The following MAML3 variants were observed in gnomAD, a reference collection of about 807,000 sequenced individuals.
MAML3 encodes the protein mastermind like transcriptional coactivator 3.
MAML3 carries 27 observed loss-of-function variants against 101.9 expected under a neutral mutation model. That is an observed-to-expected ratio of 0.27 (90% CI 0.20 to 0.37). The LOEUF (loss-of-function observed/expected upper bound fraction) is 0.37, where lower values mean the gene tolerates loss of function less well. Ranked by LOEUF, MAML3 falls within the 10% of genes least tolerant of loss-of-function variation. The probability of loss-of-function intolerance (pLI) is 1.00; values close to 1 mark genes in which losing one functional copy is unlikely to be tolerated. For synonymous variants in MAML3, 501 were observed against 555.9 expected (o/e 0.90, Z 1.39); for missense variants, 1,316 against 1,444.9 (o/e 0.91, Z 1.45).
At chr4:139,756,284 A>C (rs1316390947) in intron 2 of MAML3, among the ~76,000 whole-genome samples, 1 of 152,220 alleles carries the variant, frequency 6.6e-6, no homozygotes, top group Non-Finnish European at 1.5e-5. Flanking sequence ...GCACTGATAA[A>C]ACATTATTCA....
chr4:140,027,064 A>T (rs1726837697), intron 1 of MAML3, among the ~76,000 whole-genome samples: 1 of 146,102 alleles, frequency 6.8e-6, no homozygotes, highest in South Asian at 2.2e-4. Flanking sequence ...TAGAAAAAGG[A>T]AAAAAAAAAA....
intron 2 of MAML3, chr4:139,730,868 A>C (rs1728678601): frequency 1.7e-6 from 1 of 596,770 alleles, no homozygotes; most frequent in South Asian, 2.0e-5. Flanking sequence ...GCCACAAGGG[A>C]CAGTAAGAGA....
intron 1 of MAML3, among the ~76,000 whole-genome samples, chr4:140,028,309 GA>G (rs984606009): frequency 2.0e-5 from 3 of 151,812 alleles, no homozygotes; most frequent in East Asian, 3.9e-4. Flanking sequence ...TAAGGATTCT[GA>G]AAAAAAAGTG....
Position 139,890,116 on chromosome 4 carries a change from C to G in MAML3, c.1320G>C (p.Leu440=). ...APPRPGNGYL[L]NPAAVTVAGS... ...CGGCCACTGTCACTGCTGCCGGATT[C>G]AGGAGATAACCATTTCCAGGCCGAG... The change falls in exon 2 of 5, where the codon CTG becomes CTC. Residue 440 remains leucine (L), a synonymous_variant. Transcript: ENST00000509479. The surrounding 1 kb of genome is among the most constrained non-coding windows in gnomAD (Gnocchi z 4.1). 1 of 1,613,846 alleles carries G rather than the reference C, an allele frequency of 6.2e-7. No homozygotes were observed. Among genetic ancestry groups the G allele is most frequent in the Non-Finnish European group, 8.5e-7 (1 of 1,179,888 alleles).
chr4:140,067,200 G>GT (rs1727553390), intron 1 of MAML3, among the ~76,000 whole-genome samples: 1 of 149,758 alleles, frequency 6.7e-6, no homozygotes, highest in South Asian at 2.1e-4. Flanking sequence ...AAATTTTAGG[G>GT]GTGTGTGTGT....
chr4:139,899,680 A>T (rs1732679394), intron 1 of MAML3, among the ~76,000 whole-genome samples: 1 of 152,244 alleles, frequency 6.6e-6, no homozygotes, highest in Non-Finnish European at 1.5e-5. Flanking sequence ...GAAAAATCTT[A>T]TTACAACTCC....
At chr4:139,896,151 G>C (rs1253558847) in intron 1 of MAML3, among the ~76,000 whole-genome samples, 1 of 152,132 alleles carries the variant, frequency 6.6e-6, no homozygotes, top group East Asian at 1.9e-4. Context: ...CACAGAGCCA[G>C]CTATGTGGCT....
intron 1 of MAML3, among the ~76,000 whole-genome samples, chr4:140,040,156 GAGA>G (rs1727057675): frequency 6.6e-6 from 1 of 152,178 alleles, no homozygotes; most frequent in Non-Finnish European, 1.5e-5. Context: ...GACACACAGG[GAGA>G]AGAAGTGGGA....
At chr4:140,034,334 G>A (rs1726951975) in intron 1 of MAML3, among the ~76,000 whole-genome samples, 1 of 152,224 alleles carries the variant, frequency 6.6e-6, no homozygotes, top group Non-Finnish European at 1.5e-5. Flanking sequence ...GACAGAAATG[G>A]AGTAGATTAC....
rs1045700476 is a variant in MAML3 at position 139,872,779 on chromosome 4, T to A, written c.2079+16578A>T. On this transcript the variant is annotated intron_variant, in intron 2 of 4. Transcript: ENST00000509479. The stretch of plus-strand genomic sequence containing the variant: ...TCAATAACAAGGTTGGGTTTAGAGT[T>A]AAAAAAATAATCACACGGCCGGGCA... 1.4e-4 allele frequency among the ~76,000 whole-genome samples: 22 copies of A among 151,936 alleles called. No individual in the cohort carries two copies. The East Asian group carries it at 4.1e-3, about 28-fold the overall frequency.
chr4:139,775,134 G>GTTT lies in MAML3; in HGVS notation c.2080-44470_2080-44468dup, dbSNP rs564980973. On this transcript the variant is annotated intron_variant, in intron 2 of 4. Transcript: ENST00000509479. ...GGCTGCATGGTATATGATTCTCTGGGTTTTATACTGCTCCTTCCTTAGCCC... is the reference window on the plus strand; with the variant it reads ...GGCTGCATGGTATATGATTCTCTGGGTTTTTTTATACTGCTCCTTCCTTAGCCC... Among the ~76,000 whole-genome samples, 6 of 152,254 alleles carry GTTT rather than the reference G, an allele frequency of 3.9e-5. No homozygotes were observed. The South Asian group carries it at 1.2e-3, about 32-fold the overall frequency.
intron 1 of MAML3, among the ~76,000 whole-genome samples, chr4:140,072,317 TAAC>T (rs1298696455): frequency 2.6e-5 from 4 of 152,204 alleles, no homozygotes; most frequent in Non-Finnish European, 4.4e-5. Context: ...CAATACAGTG[TAAC>T]AACCATTCAC....
intron 2 of MAML3, among the ~76,000 whole-genome samples, chr4:139,733,332 G>GT (rs1728797627): frequency 6.6e-6 from 1 of 152,140 alleles, no homozygotes; most frequent in South Asian, 2.1e-4. Context: ...GAGAGGGTTG[G>GT]TCTGGGATGG....
chr4:140,034,430 CAT>C (rs1560872791), intron 1 of MAML3, among the ~76,000 whole-genome samples: 1 of 152,140 alleles, frequency 6.6e-6, no homozygotes, highest in Non-Finnish European at 1.5e-5. Context: ...AGTTGGAAGA[CAT>C]ATGGTATGAG....
intron 2 of MAML3, among the ~76,000 whole-genome samples, chr4:139,819,941 T>G (rs895038305): frequency 6.6e-6 from 1 of 152,248 alleles, no homozygotes; most frequent in African/African-American, 2.4e-5. Context: ...GATAGTATTT[T>G]GATGACTTGG....
At chr4:139,758,503 A>G (rs1729696772) in intron 2 of MAML3, among the ~76,000 whole-genome samples, 2 of 152,174 alleles carry the variant, frequency 1.3e-5, no homozygotes, top group South Asian at 2.1e-4. Flanking sequence ...GATACCAGAC[A>G]CACACTTTAA....
intron 1 of MAML3, among the ~76,000 whole-genome samples, chr4:140,006,026 C>T (rs1160860200): frequency 6.6e-6 from 1 of 152,162 alleles, no homozygotes; most frequent in South Asian, 2.1e-4. Context: ...TATTCAGTCT[C>T]CTGACCTTGA....
chr4:139,981,330 C>T (rs991847215), intron 1 of MAML3, among the ~76,000 whole-genome samples: 2 of 152,158 alleles, frequency 1.3e-5, no homozygotes, highest in Admixed American at 6.5e-5. Context: ...CTCTTTAAAG[C>T]CCTTATATGC....
intron 1 of MAML3, among the ~76,000 whole-genome samples, chr4:140,151,367 C>T (rs1339766209): frequency 6.6e-6 from 1 of 151,914 alleles, no homozygotes; most frequent in Non-Finnish European, 1.5e-5. Flanking sequence ...ACAAATTGTT[C>T]CTCTTCACGT....
Sources: gnomAD v4.1 joint callset for allele counts (sites outside exome capture counted in the v4.1 genomes callset) on GRCh38, gnomAD v4.1.1 for gene constraint, Gnocchi (gnomAD v3.1) non-coding constraint, MANE v1.5 for transcripts, NCBI Gene and HGNC (gene_info 2026-07-23, HGNC 2026-07-21) for gene names.